ACE: variants seen among roughly 807,000 people sequenced by gnomAD.
The protein encoded by ACE is angiotensin-converting enzyme.
A neutral mutation model predicts 162.3 loss-of-function variants in ACE; 122 were observed. The ratio of observed to expected loss-of-function variants is 0.75; its 90% CI spans 0.65 to 0.87. The LOEUF (loss-of-function observed/expected upper bound fraction) is 0.87. Ranked by LOEUF, ACE falls within the 40% of genes least tolerant of loss-of-function variation. ACE has a pLI of 0.00. For missense variants in ACE, 1,799 were observed against 1,735.1 expected, an observed-to-expected ratio of 1.04 and a Z score of -0.65; for synonymous variants, 796 against 720.6, an observed-to-expected ratio of 1.10 and a Z score of -1.68.
intron 15 of ACE, among the ~76,000 whole-genome samples, chr17:63,487,870 A>C (rs2030071658): frequency 6.6e-6 from 1 of 152,210 alleles, no homozygotes; most frequent in African/African-American, 2.4e-5. Context: ...ATGGAAAATA[A>C]ACAGGAGAAA....
chr17:63,488,447 T>C lies in ACE; in HGVS notation c.2306-201T>C. 2 of 452,100 alleles carry C rather than the reference T, an allele frequency of 4.4e-6. 1 individual carries two copies. The highest frequency in any genetic ancestry group is 5.4e-5 in the South Asian group (2 of 37,152). The allele number at this position is 452,100 out of a possible 1,614,324, so 28.0% of individuals were successfully genotyped here. Reference sequence around the variant, plus strand: ...TGAGGCCCTGCAGGTGTCTGCAGCATGTGGCCCCAGGCCGGGGACTCTGTA... The same window carrying C: ...TGAGGCCCTGCAGGTGTCTGCAGCACGTGGCCCCAGGCCGGGGACTCTGTA... On this transcript the variant is annotated intron_variant, in intron 15 of 24. Coordinates refer to ENST00000290866, the MANE Select transcript of ACE (RefSeq NM_000789.4).
intron 5 of ACE, among the ~76,000 whole-genome samples, 175 bp from the exon 6 acceptor site, chr17:63,480,916 C>A (rs1372401444): frequency 6.6e-6 from 1 of 152,206 alleles, no homozygotes; most frequent in Non-Finnish European, 1.5e-5. Flanking sequence ...GGACATGTGG[C>A]CCTCGGAGGA....
chr17:63,482,478 C>G lies in ACE; in HGVS notation c.1131C>G (p.Cys377Trp). The change falls in exon 8 of 25, where the codon TGC becomes TGG. Residue 377 changes from cysteine to tryptophan, a missense_variant. Cys to Trp is a radical substitution (Grantham distance 215, BLOSUM62 -2). Transcript: ENST00000290866. ...CTCTACGCCCCAGGATCAAGCAGTGCACACGGGTCACGATGGACCAGCTCT... is the reference window on the plus strand; with the variant it reads ...CTCTACGCCCCAGGATCAAGCAGTGGACACGGGTCACGATGGACCAGCTCT... ...YNRKDFRIKQ[C>W]TRVTMDQLST... is the part of the protein sequence containing the mutation. 1 of 1,614,008 alleles carries G rather than the reference C, an allele frequency of 6.2e-7. No homozygotes were observed. Among genetic ancestry groups the G allele is most frequent in the Non-Finnish European group, 8.5e-7 (1 of 1,180,000 alleles).
chr17:63,482,381 T>C (rs768536035), intron 7 of ACE, 85 bp from the exon 8 acceptor site: 1 of 1,259,400 alleles, frequency 7.9e-7, no homozygotes, highest in Non-Finnish European at 1.1e-6. Context: ...CATTCCTGTC[T>C]TTCAGGTGCC....
chr17:63,486,835 A>C (rs1370729573), intron 14 of ACE, 120 bp downstream of exon 14: 23 of 1,500,924 alleles, frequency 1.5e-5, no homozygotes, highest in African/African-American at 2.8e-5. Flanking sequence ...GGCATCTGCC[A>C]TGCGATGTGC....
intron 13 of ACE, among the ~76,000 whole-genome samples, chr17:63,486,109 A>G (rs2029918270): frequency 6.6e-6 from 1 of 152,196 alleles, no homozygotes; most frequent in African/African-American, 2.4e-5. Context: ...TTGGCTGAGC[A>G]CAAATTATGC....
Position 63,491,007 on chromosome 17 carries a change from C to T in ACE, c.2695C>T (p.Pro899Ser). The T allele has an allele frequency of 3.1e-6, 5 of 1,614,220 alleles. No homozygotes were observed. Among genetic ancestry groups the T allele is most frequent in the Non-Finnish European group, 4.2e-6 (5 of 1,180,046 alleles). ...SNIYDLVVPF[P>S]SAPSMDTTEA... ...CATCTATGACTTGGTGGTGCCCTTC[C>T]CTTCAGCCCCCTCGATGGACACCAC... is the stretch of plus-strand genomic sequence containing the variant. The change falls in exon 18 of 25, where the codon CCT becomes TCT. Residue 899 changes from proline (P) to serine (S), a missense_variant. Coordinates refer to ENST00000290866, the MANE Select transcript of ACE (RefSeq NM_000789.4). The surrounding 1 kb of genome is among the most constrained non-coding windows in gnomAD (Gnocchi z 4.4).
intron 15 of ACE, among the ~76,000 whole-genome samples, chr17:63,487,357 G>A (rs887285803): frequency 2.0e-5 from 3 of 152,042 alleles, no homozygotes; most frequent in Non-Finnish European, 2.9e-5. Flanking sequence ...TCAGAGCAGC[G>A]GGATCTCAAA....
chr17:63,486,174 T>G (rs765956136), intron 13 of ACE: 13 of 333,256 alleles, frequency 3.9e-5, no homozygotes, highest in Non-Finnish European at 7.0e-5. Flanking sequence ...TGCCTCATCT[T>G]TTTCTCAACA....
chr17:63,489,199 G>A (rs2030208579), intron 17 of ACE, 67 bp downstream of exon 17: 1 of 1,560,750 alleles, frequency 6.4e-7, no homozygotes, highest in Admixed American at 1.8e-5. Flanking sequence ...GGTTGGGACA[G>A]GGCTGACTAG....
intron 21 of ACE, 89 bp downstream of exon 21, chr17:63,494,155 AGTGT>A: frequency 4.2e-5 from 63 of 1,494,320 alleles, no homozygotes; most frequent in Middle Eastern, 1.8e-4. Context: ...AGGGTAGGGG[AGTGT>A]GTGTGTGTGT....
intron 13 of ACE, 138 bp downstream of exon 13, chr17:63,485,510 G>A (rs773279416): frequency 1.2e-5 from 15 of 1,269,478 alleles, no homozygotes; most frequent in Non-Finnish European, 1.5e-5. Context: ...GCCGGGCGCG[G>A]TGGCTCACGC....
intron 19 of ACE, among the ~76,000 whole-genome samples, chr17:63,492,626 C>T (rs1156303107): frequency 6.6e-6 from 1 of 152,188 alleles, no homozygotes; most frequent in Non-Finnish European, 1.5e-5. Context: ...TCTTCCTTCC[C>T]CCTCCCCGAT....
chr17:63,478,669 AAG>A (rs371203361), intron 2 of ACE: 13 of 398,640 alleles, frequency 3.3e-5, no homozygotes, highest in Admixed American at 1.1e-4. Context: ...CCCCAAAAAA[AAG>A]AGAGAGAGAA....
intron 13 of ACE, 126 bp from the exon 14 acceptor site, chr17:63,486,431 G>A (rs1029538249): frequency 1.1e-5 from 11 of 1,024,490 alleles, no homozygotes; most frequent in Admixed American, 4.0e-5. Flanking sequence ...TATAGGCAAA[G>A]GTTGCAACTT....
rs554901531 is a variant in ACE, at chr17:63,478,903, G to A, written c.418-104G>A. ...TGCCCCGGTGCCACTGAGTGGCCTT[G>A]TCCAAGCTACATCCACTCTGTGGGC... On this transcript the variant is annotated intron_variant, in intron 2 of 24. Transcript: ENST00000290866. 2.2e-5 allele frequency: 22 copies of A among 980,566 alleles called. No individual in the cohort carries two copies. In the African/African-American group the frequency reaches 3.2e-4, roughly 14 times the overall value. The allele number at this position is 980,566 out of a possible 1,614,324, so 60.7% of individuals were successfully genotyped here.
chr17:63,496,555 G>T, intron 23 of ACE, 39 bp downstream of exon 23: 1 of 1,613,268 alleles, frequency 6.2e-7, no homozygotes, highest in East Asian at 2.2e-5. Flanking sequence ...CCATGCTCTG[G>T]CCTGCGCCCC....
intron 17 of ACE, 46 bp from the exon 18 acceptor site, chr17:63,490,908 A>G (rs374334150): frequency 1.3e-6 from 2 of 1,582,772 alleles, no homozygotes; most frequent in African/African-American, 2.7e-5. Flanking sequence ...GAGCCTAAGT[A>G]ACATTTGTCT....
At chr17:63,478,572 A>C in intron 2 of ACE, 1 of 318,834 alleles carries the variant, frequency 3.1e-6, no homozygotes, top group Non-Finnish European at 6.1e-6. Flanking sequence ...CTGAGGGGGA[A>C]GGATCACCTG....
Sources: allele counts gnomAD v4.1 joint callset (sites outside exome capture counted in the v4.1 genomes callset), GRCh38; gene constraint gnomAD v4.1.1; non-coding constraint Gnocchi (gnomAD v3.1); transcripts MANE v1.5; gene names NCBI Gene and HGNC (gene_info 2026-07-23, HGNC 2026-07-21).